CTNNBL1: variants seen among roughly 807,000 people sequenced by gnomAD.
The protein encoded by CTNNBL1 is beta-catenin-like protein 1.
A neutral mutation model predicts 72.7 loss-of-function variants in CTNNBL1; 31 were observed. The ratio of observed to expected loss-of-function variants is 0.43; its 90% CI spans 0.32 to 0.58. The LOEUF is 0.58. Ranked by LOEUF, CTNNBL1 falls within the 20% of genes least tolerant of loss-of-function variation. The pLI is 0.08. For synonymous variants in CTNNBL1, 240 were observed against 267.3 expected, an observed-to-expected ratio of 0.90 and a Z score of 1.00; for missense variants, 534 against 725.1, an observed-to-expected ratio of 0.74 and a Z score of 3.03.
intron 1 of CTNNBL1, chr20:37,695,105 C>A (rs1398559016): frequency 6.6e-6 from 1 of 152,034 alleles, no homozygotes; most frequent in Non-Finnish European, 1.5e-5. Flanking sequence ...ATTACATGAT[C>A]GTACTGATTA....
rs1031135364 is a variant in CTNNBL1, at chr20:37,792,342, T to TTG, written c.1032-10513_1032-10512dup. ...TCTCTCTGTGTGTTTGTGCGTGTAT[T>TTG]TGTGTGTGTGTGTTTGAGATCAGTT... On this transcript the variant is annotated intron_variant, in intron 10 of 15. Transcript: ENST00000361383. Among the ~76,000 whole-genome samples the TTG allele has an allele frequency of 3.9e-5, 6 of 151,996 alleles. No homozygotes were observed. The East Asian group carries it at 7.7e-4, about 20-fold the overall frequency.
chr20:37,836,905 G>A (rs1410896570), intron 11 of CTNNBL1, among the ~76,000 whole-genome samples: 1 of 151,962 alleles, frequency 6.6e-6, no homozygotes, highest in Non-Finnish European at 1.5e-5. Context: ...CTTCCTCTGT[G>A]GTTGTCAGAT....
At chr20:37,855,979 G>A (rs1168804095) in intron 13 of CTNNBL1, among the ~76,000 whole-genome samples, 2 of 152,084 alleles carry the variant, frequency 1.3e-5, no homozygotes, top group Non-Finnish European at 2.9e-5. Flanking sequence ...CCTCATGCCT[G>A]TAATCCCAGC....
At chr20:37,776,377 G>C (rs945337912) in intron 7 of CTNNBL1, among the ~76,000 whole-genome samples, 1 of 152,184 alleles carries the variant, frequency 6.6e-6, no homozygotes, top group African/African-American at 2.4e-5. Context: ...ACAGATCTGT[G>C]AATGGCGGTA....
rs531574934 is a variant in CTNNBL1, at chr20:37,817,160, A to C, written c.1213+14112A>C. 4.6e-5 allele frequency among the ~76,000 whole-genome samples: 7 copies of C among 152,320 alleles called. No individual in the cohort carries two copies. In the East Asian group the frequency reaches 7.7e-4, roughly 17 times the overall value. On this transcript the variant is annotated intron_variant, in intron 11 of 15. Coordinates refer to ENST00000361383, the MANE Select transcript of CTNNBL1 (RefSeq NM_030877.5). ...GTTTTATGTCTGCTAGGGCCCCCCA[A>C]AGCCTGTATTCTTGATCCCGGACTT...
At chr20:37,758,103 A>G (rs1308423350) in intron 5 of CTNNBL1, among the ~76,000 whole-genome samples, 1 of 152,152 alleles carries the variant, frequency 6.6e-6, no homozygotes, top group Admixed American at 6.5e-5. Context: ...AGCTTTCACA[A>G]ATGTTTTTCT....
At chr20:37,796,579 T>TGGTG (rs1344576680) in intron 10 of CTNNBL1, among the ~76,000 whole-genome samples, 1 of 152,130 alleles carries the variant, frequency 6.6e-6, no homozygotes, top group East Asian at 1.9e-4. Flanking sequence ...TCTTTATTCC[T>TGGTG]GGTGGGTAGT....
intron 15 of CTNNBL1, among the ~76,000 whole-genome samples, chr20:37,871,459 G>A (rs1432747776): frequency 6.6e-6 from 1 of 152,154 alleles, no homozygotes; most frequent in African/African-American, 2.4e-5. Context: ...GCAGAAGGGG[G>A]AAGGGCAAAG....
chr20:37,771,524 A>G (rs936405589), intron 7 of CTNNBL1, among the ~76,000 whole-genome samples: 2 of 150,120 alleles, frequency 1.3e-5, no homozygotes, highest in African/African-American at 4.9e-5. Context: ...TGACCTTTTC[A>G]TTTTCCAGTT....
intron 15 of CTNNBL1, among the ~76,000 whole-genome samples, chr20:37,860,919 T>C (rs1247257748): frequency 6.6e-6 from 1 of 152,174 alleles, no homozygotes; most frequent in African/African-American, 2.4e-5. Context: ...AGTTGTGTAG[T>C]TATCATAGGT....
At chr20:37,704,036 C>T (rs902013445) in intron 1 of CTNNBL1, among the ~76,000 whole-genome samples, 27 of 152,116 alleles carry the variant, frequency 1.8e-4, no homozygotes, top group Admixed American at 2.0e-4. Flanking sequence ...CTCGACCTCC[C>T]AAAGTGCTGG....
chr20:37,765,398 C>T, intron 6 of CTNNBL1, 108 bp downstream of exon 6: 1 of 706,014 alleles, frequency 1.4e-6, no homozygotes, highest in Middle Eastern at 3.3e-4. Context: ...AGGCTGTTTT[C>T]CTTCCTTCTG....
At chr20:37,772,207 C>G (rs1411709124) in intron 7 of CTNNBL1, among the ~76,000 whole-genome samples, 1 of 152,166 alleles carries the variant, frequency 6.6e-6, no homozygotes, top group Non-Finnish European at 1.5e-5. Context: ...TGTACCTCCT[C>G]CCAGCTGTTC....
intron 3 of CTNNBL1, among the ~76,000 whole-genome samples, chr20:37,741,411 T>C (rs1264864991): frequency 2.0e-5 from 3 of 152,196 alleles, no homozygotes; most frequent in Non-Finnish European, 4.4e-5. Context: ...ACTGTATATA[T>C]ATTATCTCTT....
At chr20:37,762,466 C>T (rs193044380) in intron 5 of CTNNBL1, among the ~76,000 whole-genome samples, 17 of 151,682 alleles carry the variant, frequency 1.1e-4, no homozygotes, top group African/African-American at 3.4e-4. Flanking sequence ...TGCCCTTGAA[C>T]TTTAACTCCC....
chr20:37,847,728 T>C (rs2072358588), intron 13 of CTNNBL1: 1 of 152,598 alleles, frequency 6.6e-6, no homozygotes, highest in East Asian at 1.9e-4. Flanking sequence ...GTTTTCTCTT[T>C]TTTAGTTCCT....
chr20:37,808,584 C>G (rs2071981091), intron 11 of CTNNBL1, among the ~76,000 whole-genome samples: 1 of 152,158 alleles, frequency 6.6e-6, no homozygotes, highest in South Asian at 2.1e-4. Context: ...AGTATTCCAT[C>G]TCCAGATACT....
At chr20:37,834,691 T>C (rs1194926457) in intron 11 of CTNNBL1, among the ~76,000 whole-genome samples, 1 of 152,120 alleles carries the variant, frequency 6.6e-6, no homozygotes, top group African/African-American at 2.4e-5. Flanking sequence ...GCGACTTAGA[T>C]TCAGATCTAA....
chr20:37,815,549 T>C (rs764388686), intron 11 of CTNNBL1, among the ~76,000 whole-genome samples: 2 of 152,026 alleles, frequency 1.3e-5, no homozygotes, highest in Admixed American at 1.3e-4. Context: ...AACTCCTGAC[T>C]TCAGGTGATC....
Sources: gnomAD v4.1 joint callset for allele counts (sites outside exome capture counted in the v4.1 genomes callset) on GRCh38, gnomAD v4.1.1 for gene constraint, MANE v1.5 for transcripts, NCBI Gene and HGNC (gene_info 2026-07-23, HGNC 2026-07-21) for gene names.